The following GRID1 variants were observed in gnomAD, a reference collection of about 807,000 sequenced individuals.
The protein encoded by GRID1 is glutamate ionotropic receptor delta type subunit 1.
Under a neutral mutation model 98.0 loss-of-function variants are expected in GRID1, and 28 were observed. The ratio of observed to expected loss-of-function variants is 0.29; its 90% CI spans 0.21 to 0.39. The LOEUF (loss-of-function observed/expected upper bound fraction) is 0.39, where lower values mean the gene tolerates loss of function less well. GRID1 is among the 10% of genes least tolerant of loss of function. The pLI is 1.00. For missense variants in GRID1, 1,111 were observed against 1,340.5 expected, an observed-to-expected ratio of 0.83 and a Z score of 2.67; for synonymous variants, 553 against 538.5, an observed-to-expected ratio of 1.03 and a Z score of -0.37.
At chr10:86,348,367 C>T (rs989944502) in intron 2 of GRID1, among the ~76,000 whole-genome samples, 22 of 152,210 alleles carry the variant, frequency 1.4e-4, no homozygotes, top group African/African-American at 5.1e-4. Flanking sequence ...GGAAGCAGAG[C>T]GGCCAGGAAA....
At chr10:85,909,010 A>T (rs1841499900) in intron 5 of GRID1, among the ~76,000 whole-genome samples, 1 of 152,238 alleles carries the variant, frequency 6.6e-6, no homozygotes, top group South Asian at 2.1e-4. Flanking sequence ...AGGCTGGGAG[A>T]AAATATTTAC....
intron 4 of GRID1, among the ~76,000 whole-genome samples, chr10:86,135,762 G>T (rs2131969739): frequency 6.6e-6 from 1 of 151,316 alleles, no homozygotes; most frequent in Middle Eastern, 3.5e-3. Flanking sequence ...TCACAGAGAG[G>T]CTGGTGGTGC....
At chr10:85,682,023 G>A (rs1406680506) in intron 12 of GRID1, among the ~76,000 whole-genome samples, 1 of 151,972 alleles carries the variant, frequency 6.6e-6, no homozygotes, top group East Asian at 1.9e-4. Flanking sequence ...GGGGCAAGCA[G>A]CAGACAGCAA....
At chr10:85,678,790 C>T (rs1841173626) in intron 12 of GRID1, among the ~76,000 whole-genome samples, 1 of 152,150 alleles carries the variant, frequency 6.6e-6, no homozygotes, top group Non-Finnish European at 1.5e-5. Flanking sequence ...CCTCTTCTCT[C>T]CCCTTCCTCT....
chr10:86,168,810 G>A (rs1845438705), intron 3 of GRID1, among the ~76,000 whole-genome samples: 1 of 152,148 alleles, frequency 6.6e-6, no homozygotes, highest in Non-Finnish European at 1.5e-5. Flanking sequence ...TGGGGGACAG[G>A]GCAGGGCAAA....
intron 2 of GRID1, among the ~76,000 whole-genome samples, chr10:86,294,847 A>G (rs1847564653): frequency 6.6e-6 from 1 of 152,224 alleles, no homozygotes; most frequent in African/African-American, 2.4e-5. Flanking sequence ...GACATGGGAC[A>G]TGCCAGTGTT....
At chr10:85,732,517 TGG>T (rs1393125633) in intron 8 of GRID1, among the ~76,000 whole-genome samples, 2 of 152,178 alleles carry the variant, frequency 1.3e-5, no homozygotes, top group African/African-American at 4.8e-5. Flanking sequence ...GAAATTAGAA[TGG>T]AGGATGGAGG....
chr10:85,630,851 T>C (rs889408805), intron 13 of GRID1, among the ~76,000 whole-genome samples: 1 of 152,228 alleles, frequency 6.6e-6, no homozygotes, highest in African/African-American at 2.4e-5. Flanking sequence ...AAAGTCAAGA[T>C]GTAATGACTT....
intron 8 of GRID1, among the ~76,000 whole-genome samples, chr10:85,784,256 A>G (rs567404732): frequency 6.6e-6 from 1 of 152,344 alleles, no homozygotes; most frequent in East Asian, 1.9e-4. Flanking sequence ...TACTTTCAAT[A>G]GTGGGGTCTT....
intron 4 of GRID1, among the ~76,000 whole-genome samples, chr10:86,027,409 T>C (rs1454002113): frequency 1.3e-5 from 2 of 152,260 alleles, no homozygotes; most frequent in Admixed American, 6.5e-5. Flanking sequence ...TTATCCAAGC[T>C]GTAACATGTG....
intron 2 of GRID1, among the ~76,000 whole-genome samples, chr10:86,357,631 T>C (rs1439861229): frequency 6.6e-6 from 1 of 152,206 alleles, no homozygotes; most frequent in Non-Finnish European, 1.5e-5. Context: ...AGTATATGCA[T>C]GCATGTGTGT....
chr10:85,988,178 C>G (rs966496887), intron 4 of GRID1, among the ~76,000 whole-genome samples: 2 of 152,136 alleles, frequency 1.3e-5, no homozygotes, highest in Non-Finnish European at 2.9e-5. Context: ...TGACCCCACC[C>G]CACTCCCCAC....
At chr10:85,912,389 C>T (rs1195777329) in intron 5 of GRID1, among the ~76,000 whole-genome samples, 1 of 152,208 alleles carries the variant, frequency 6.6e-6, no homozygotes, top group Non-Finnish European at 1.5e-5. Flanking sequence ...GCTTCCTCTG[C>T]GTGCAATTAT....
chr10:85,917,710 G>A (rs1362111306), intron 4 of GRID1, among the ~76,000 whole-genome samples: 7 of 152,258 alleles, frequency 4.6e-5, no homozygotes, highest in Admixed American at 4.6e-4. Flanking sequence ...TGCACAGGGT[G>A]CATCTCTCTT....
At chr10:86,286,853 AC>A (rs1383726616) in intron 2 of GRID1, among the ~76,000 whole-genome samples, 2 of 152,170 alleles carry the variant, frequency 1.3e-5, no homozygotes, top group Non-Finnish European at 2.9e-5. Context: ...CATGCAGAAA[AC>A]CAGAGGAGCA....
chr10:85,901,147 G>A (rs1008092487), intron 5 of GRID1, among the ~76,000 whole-genome samples: 1 of 152,076 alleles, frequency 6.6e-6, no homozygotes, highest in Non-Finnish European at 1.5e-5. Context: ...AAGTACAAAG[G>A]CAAACTTTCC....
intron 12 of GRID1, chr10:85,648,064 A>C (rs193020486): frequency 8.5e-5 from 13 of 152,344 alleles, no homozygotes; most frequent in African/African-American, 3.1e-4. Context: ...GGATTTTTAT[A>C]TCTCTCCTGA....
At chr10:85,899,204 T>C (rs1304293124) in intron 5 of GRID1, among the ~76,000 whole-genome samples, 2 of 152,258 alleles carry the variant, frequency 1.3e-5, no homozygotes, top group Non-Finnish European at 2.9e-5. Flanking sequence ...TGACTTAACA[T>C]AGTGTCCTCC....
At chr10:85,966,438 C>G (rs938590855) in intron 4 of GRID1, among the ~76,000 whole-genome samples, 1 of 152,070 alleles carries the variant, frequency 6.6e-6, no homozygotes, top group Non-Finnish European at 1.5e-5. Context: ...TTGTAAGTAC[C>G]TACATGAGCA....
Sources: allele counts gnomAD v4.1 joint callset (sites outside exome capture counted in the v4.1 genomes callset), GRCh38; gene constraint gnomAD v4.1.1; transcripts MANE v1.5; gene names NCBI Gene and HGNC (gene_info 2026-07-23, HGNC 2026-07-21).